ZFHX4: variants seen among roughly 807,000 people sequenced by gnomAD.
ZFHX4 encodes zinc finger homeobox 4.
Under a neutral mutation model 267.6 loss-of-function variants are expected in ZFHX4, and 56 were observed. The ratio of observed to expected loss-of-function variants is 0.21; its 90% CI spans 0.17 to 0.26. ZFHX4 has a LOEUF of 0.26. Ranked by LOEUF, ZFHX4 falls within the 10% of genes least tolerant of loss-of-function variation. The pLI, the probability that ZFHX4 is intolerant of heterozygous loss-of-function variation, is 1.00. For synonymous variants in ZFHX4, 1,778 were observed against 1,665.6 expected (o/e 1.07, Z -1.64); for missense variants, 4,332 against 4,420.0 (o/e 0.98, Z 0.56).
chr8:76,800,610 G>C (rs1215550596), intron 4 of ZFHX4, among the ~76,000 whole-genome samples: 1 of 152,148 alleles, frequency 6.6e-6, no homozygotes, highest in Non-Finnish European at 1.5e-5. Flanking sequence ...CATCAAGGCC[G>C]CACTGCCTTG....
rs780607194 is a variant in ZFHX4 at position 76,704,386 on chromosome 8, T to C, written c.298T>C (p.Cys100Arg). The C allele has an allele frequency of 1.2e-6, 2 of 1,613,996 alleles. No homozygotes were observed. The highest frequency in any genetic ancestry group is 1.7e-6 in the Non-Finnish European group (2 of 1,179,886). ...PSLQKYMEHHCPNARLPVLKD... is the reference protein window; with the variant it reads ...PSLQKYMEHHRPNARLPVLKD... ...TTTACAGAAATACATGGAACACCAC[T>C]GCCCTAATGCCCGCCTTCCTGTCCT... The change falls in exon 2 of 11, where the codon TGC becomes CGC. Residue 100 changes from cysteine (C) to arginine (R), a missense_variant. By Grantham distance (180) the Cys-to-Arg change is radical. Transcript: ENST00000651372.
chr8:76,849,248 T>TCTAC, intron 7 of ZFHX4, 120 bp downstream of exon 7: 1 of 1,156,150 alleles, frequency 8.6e-7, no homozygotes, highest in Non-Finnish European at 1.2e-6. Flanking sequence ...ATTGGCAATG[T>TCTAC]AACTCTTGGT....
At chr8:76,835,255 A>ATGTATATATATG (rs1812061562) in intron 5 of ZFHX4, among the ~76,000 whole-genome samples, 2 of 142,630 alleles carry the variant, frequency 1.4e-5, no homozygotes, top group East Asian at 2.0e-4. Flanking sequence ...ATATATATAT[A>ATGTATATATATG]TATATTCATA....
Position 76,852,738 on chromosome 8 carries a change from A to C in ZFHX4, c.5817A>C (p.Glu1939Asp), listed in dbSNP as rs1812570816. The C allele has an allele frequency of 6.2e-7, 1 of 1,613,674 alleles. No homozygotes were observed. Among genetic ancestry groups the C allele is most frequent in the Non-Finnish European group, 8.5e-7 (1 of 1,179,810 alleles). Residue 1939 changes from glutamate (E) to aspartate (D), a missense_variant, in exon 10 of 11, where the codon GAA becomes GAC. Around this residue, in one of 7 missense-constraint regions of ZFHX4, gnomAD observed 1,371 missense variants for 1,423.1 expected, o/e 0.96. Transcript: ENST00000651372. ...TACAGAAGAAGGGCAAAAGTGGTGA[A>C]GGCGAAAACACTGACAAACTAGAAT... The part of the protein sequence containing the change: ...QKVQKKGKSG[E>D]GENTDKLECG...
At position 76,717,322 on chromosome 8, in the gene ZFHX4, A is replaced by G. The variant is rs189623418; in HGVS notation, c.3093+9274A>G. Among the ~76,000 whole-genome samples the G allele has an allele frequency of 1.3e-4, 20 of 152,306 alleles. No individual in the cohort carries two copies. The East Asian group carries it at 3.1e-3, about 24-fold the overall frequency. ...CCTCTCTCCTCCTCAAAATTCTGCT[A>G]ATGATTTCAATGTAAAGCCCAAAGT... On this transcript the variant is annotated intron_variant, in intron 3 of 10. Coordinates refer to ENST00000651372, the MANE Select transcript of ZFHX4 (RefSeq NM_024721.5).
At chr8:76,862,119 C>T (rs1482001531) in intron 10 of ZFHX4, among the ~76,000 whole-genome samples, 1 of 152,198 alleles carries the variant, frequency 6.6e-6, no homozygotes, top group Admixed American at 6.5e-5. Flanking sequence ...AGCTGTCCTT[C>T]AGTTTCCCAG....
intron 4 of ZFHX4, among the ~76,000 whole-genome samples, chr8:76,823,265 G>A (rs763584046): frequency 4.8e-4 from 72 of 151,502 alleles, no homozygotes; most frequent in Non-Finnish European, 7.5e-4. Flanking sequence ...GGAACTCTTT[G>A]CCAATACATG....
intron 9 of ZFHX4, among the ~76,000 whole-genome samples, 163 bp from the exon 10 acceptor site, chr8:76,850,723 A>C (rs1812491380): frequency 6.6e-6 from 1 of 152,194 alleles, no homozygotes; most frequent in Non-Finnish European, 1.5e-5. Flanking sequence ...TTATATCCCC[A>C]GTACCCAGTC....
intron 1 of ZFHX4, among the ~76,000 whole-genome samples, chr8:76,700,970 G>A (rs1384545221): frequency 6.6e-6 from 1 of 152,070 alleles, no homozygotes; most frequent in East Asian, 1.9e-4. Flanking sequence ...AAGTTAAATG[G>A]TTGTTTTTGT....
Position 76,850,951 on chromosome 8 carries a change from A to G in ZFHX4, c.4030A>G (p.Lys1344Glu). 6.2e-7 allele frequency: 1 copy of G among 1,613,586 alleles called. No individual in the cohort carries two copies. Among genetic ancestry groups the G allele is most frequent in the Non-Finnish European group, 8.5e-7 (1 of 1,179,688 alleles). The change falls in exon 10 of 11, where the codon AAG (lysine) becomes GAG (glutamate). Residue 1344 changes from lysine to glutamate, a missense_variant. Coordinates refer to ENST00000651372, the MANE Select transcript of ZFHX4 (RefSeq NM_024721.5). ...LEDSKANVEV[K>E]NEEQKPTKEP... ...GGATTCAAAGGCTAATGTGGAAGTA[A>G]AGAATGAGGAGCAGAAACCGACTAA...
Position 76,852,829 on chromosome 8 carries a change from G to T in ZFHX4, c.5908G>T (p.Gly1970Trp), listed in dbSNP as rs773618453. Residue 1970 changes from glycine to tryptophan, a missense_variant, in exon 10 of 11, where the codon GGG becomes TGG. Physicochemically the swap from Gly to Trp is radical, Grantham distance 184 (BLOSUM62 -2). Around this residue, in one of 7 missense-constraint regions of ZFHX4, gnomAD observed 1,371 missense variants for 1,423.1 expected, o/e 0.96. Transcript: ENST00000651372. ...AAAGAGTCACCAAGAACATGTACAT[G>T]GGCAATTTTTTCCATATGCAGCGCT... is the stretch of plus-strand genomic sequence containing the variant. ...ILKSHQEHVH[G>W]QFFPYAALEK... is the part of the protein sequence containing the mutation. 1.9e-6 allele frequency: 3 copies of T among 1,613,840 alleles called. No individual in the cohort carries two copies. The highest frequency in any genetic ancestry group is 2.5e-6 in the Non-Finnish European group (3 of 1,179,862).
Position 76,853,068 on chromosome 8 carries a change from TCCTCCTCCTCCTCCTCCCCCCCCA to T in ZFHX4, c.6156_6179del (p.Pro2054_Pro2061del). 1 of 438,316 alleles carries T rather than the reference TCCTCCTCCTCCTCCTCCCCCCCCA, an allele frequency of 2.3e-6. No homozygotes were observed. The highest frequency in any genetic ancestry group is 3.8e-6 in the Non-Finnish European group (1 of 261,138). The allele number at this position is 438,316 out of a possible 1,614,324, so 27.2% of individuals were successfully genotyped here. A position where few individuals can be genotyped will look rare whatever the true frequency, so the allele number is the denominator to read the frequency against. On this transcript the variant is annotated inframe_deletion, in exon 10 of 11. Coordinates refer to ENST00000651372, the MANE Select transcript of ZFHX4 (RefSeq NM_024721.5). ...CTCCTCCCCCACCACCACCACCTCC[TCCTCCTCCTCCTCCTCCCCCCCCA>T]CCTCCTCCACCTTCTGCTCCTCCAC... is the stretch of plus-strand genomic sequence containing the variant.
intron 4 of ZFHX4, among the ~76,000 whole-genome samples, chr8:76,823,540 T>C (rs998016094): frequency 2.6e-5 from 4 of 152,200 alleles, no homozygotes; most frequent in African/African-American, 9.6e-5. Context: ...TCACTAACTT[T>C]TCCTTTCCAG....
intron 3 of ZFHX4, among the ~76,000 whole-genome samples, chr8:76,757,379 A>G (rs932587495): frequency 6.6e-6 from 1 of 152,188 alleles, no homozygotes; most frequent in Non-Finnish European, 1.5e-5. Flanking sequence ...GATTGAGGCT[A>G]GTAACACATT....
chr8:76,726,836 C>A (rs184265603), intron 3 of ZFHX4, among the ~76,000 whole-genome samples: 7 of 152,180 alleles, frequency 4.6e-5, no homozygotes, highest in Non-Finnish European at 8.8e-5. Context: ...AGCAGAGAGT[C>A]CAAAAATAAT....
chr8:76,820,616 A>G (rs1195046494), intron 4 of ZFHX4, among the ~76,000 whole-genome samples: 1 of 152,212 alleles, frequency 6.6e-6, no homozygotes, highest in African/African-American at 2.4e-5. Context: ...TACATGTGCC[A>G]TATGCATTAT....
chr8:76,691,548 TATTATTTAAACGAC>T (rs1382033851), intron 1 of ZFHX4, among the ~76,000 whole-genome samples: 2 of 152,128 alleles, frequency 1.3e-5, no homozygotes, highest in Non-Finnish European at 2.9e-5. Flanking sequence ...TTTTAAATGA[TATTATTTAAACGAC>T]ATTATTTAAA....
At chr8:76,694,789 AT>A (rs1807914044) in intron 1 of ZFHX4, among the ~76,000 whole-genome samples, 1 of 148,856 alleles carries the variant, frequency 6.7e-6, no homozygotes, top group Non-Finnish European at 1.5e-5. Flanking sequence ...CTTACAGTGC[AT>A]ATATTCACAA....
intron 4 of ZFHX4, among the ~76,000 whole-genome samples, chr8:76,781,086 A>G (rs1810534743): frequency 6.6e-6 from 1 of 152,018 alleles, no homozygotes; most frequent in Non-Finnish European, 1.5e-5. Context: ...TGTGTGGTTG[A>G]GTTTATCTGA....
Sources: gnomAD v4.1 joint callset for allele counts (sites outside exome capture counted in the v4.1 genomes callset) on GRCh38, gnomAD v4.1.1 for gene constraint, gnomAD v4.1.1 regional missense constraint, MANE v1.5 for transcripts, NCBI Gene and HGNC (gene_info 2026-07-23, HGNC 2026-07-21) for gene names.